The following TENM4 variants were observed in gnomAD, a reference collection of about 807,000 sequenced individuals.
The protein encoded by TENM4 is teneurin transmembrane protein 4.
A neutral mutation model predicts 243.3 loss-of-function variants in TENM4; 82 were observed. The ratio of observed to expected loss-of-function variants is 0.34; its 90% CI spans 0.28 to 0.40. TENM4 has a LOEUF of 0.40. TENM4 is among the 10% of genes least tolerant of loss of function. The probability of loss-of-function intolerance (pLI) is 1.00; values close to 1 mark genes in which losing one functional copy is unlikely to be tolerated. For missense variants in TENM4, 3,138 were observed against 3,673.3 expected (o/e 0.85, Z 3.77); for synonymous variants, 1,412 against 1,456.3 (o/e 0.97, Z 0.69).
intron 12 of TENM4, among the ~76,000 whole-genome samples, chr11:78,847,165 C>T (rs372278432): frequency 6.6e-6 from 1 of 152,196 alleles, no homozygotes; most frequent in African/African-American, 2.4e-5. Flanking sequence ...TGCACCAGAA[C>T]ATCAAAACTC....
At chr11:79,345,414 T>C (rs1252993758) in intron 1 of TENM4, among the ~76,000 whole-genome samples, 3 of 152,250 alleles carry the variant, frequency 2.0e-5, no homozygotes, top group African/African-American at 7.2e-5. Context: ...TTCCATGTTA[T>C]TTGATTACTA....
chr11:78,880,506 T>C (rs1393061555), intron 9 of TENM4, among the ~76,000 whole-genome samples: 1 of 144,106 alleles, frequency 6.9e-6, no homozygotes, highest in Non-Finnish European at 1.5e-5. Flanking sequence ...AAAAATGGCC[T>C]GTGAAAAAGG....
chr11:79,329,352 G>T (rs1328951358), intron 1 of TENM4, among the ~76,000 whole-genome samples: 2 of 152,138 alleles, frequency 1.3e-5, no homozygotes, highest in Admixed American at 6.5e-5. Flanking sequence ...ATCTTCTCTT[G>T]GAGACAGACT....
intron 1 of TENM4, among the ~76,000 whole-genome samples, chr11:79,400,151 CAGGATTATTT>C (rs1402524144): frequency 3.0e-5 from 4 of 134,142 alleles, no homozygotes; most frequent in African/African-American, 1.1e-4. Context: ...ACACACCCTC[CAGGATTATTT>C]CTCCAAGTCT....
chr11:79,412,355 A>G (rs1326302171), intron 1 of TENM4, among the ~76,000 whole-genome samples: 1 of 152,236 alleles, frequency 6.6e-6, no homozygotes, highest in Non-Finnish European at 1.5e-5. Context: ...AGCCCAGGAC[A>G]GCCTTAGCGA....
At chr11:78,794,892 G>A (rs1490403953) in intron 15 of TENM4, among the ~76,000 whole-genome samples, 1 of 152,178 alleles carries the variant, frequency 6.6e-6, no homozygotes, top group Admixed American at 6.5e-5. Flanking sequence ...GCCCATCTAG[G>A]AAGTACCTTA....
intron 3 of TENM4, among the ~76,000 whole-genome samples, chr11:79,179,512 A>ATATGGAAGAAACTATACCAATTATCT (rs776530269): frequency 6.6e-6 from 1 of 152,000 alleles, no homozygotes; most frequent in Admixed American, 6.6e-5. Flanking sequence ...CCTTCAAAAC[A>ATATGGAAGAAACTATACCAATTATCT]AGATGATTAA....
chr11:78,696,265 A>T (rs1471474081), intron 28 of TENM4, among the ~76,000 whole-genome samples: 2 of 152,114 alleles, frequency 1.3e-5, no homozygotes, highest in African/African-American at 2.4e-5. Context: ...TCTCTGCTAA[A>T]ATTATCCATC....
intron 32 of TENM4, among the ~76,000 whole-genome samples, chr11:78,666,073 C>G (rs1450399964): frequency 4.0e-5 from 6 of 151,816 alleles, no homozygotes; most frequent in Non-Finnish European, 7.4e-5. Context: ...GTTGTTGTTG[C>G]TGGATGGGAA....
rs534949417 is a variant in TENM4, at chr11:79,292,265, CCTGCCCTCGACCACCAATGAG to C, written c.-265+5202_-265+5222del. On this transcript the variant is annotated intron_variant, in intron 2 of 33. Coordinates refer to ENST00000278550, the MANE Select transcript of TENM4 (RefSeq NM_001098816.3). ...CAATGCACCAAGACCTCCCCTTTCT[CCTGCCCTCGACCACCAATGAG>C]CATGCTGTAGTGGACTTGCCAAACT... 3.3e-5 allele frequency among the ~76,000 whole-genome samples: 5 copies of C among 152,278 alleles called. No individual in the cohort carries two copies. In the South Asian group the frequency reaches 1.0e-3, roughly 32 times the overall value.
chr11:78,920,606 C>T (rs1400512584), intron 6 of TENM4, among the ~76,000 whole-genome samples: 3 of 151,922 alleles, frequency 2.0e-5, no homozygotes, highest in Non-Finnish European at 2.9e-5. Flanking sequence ...TTTTTTCTCC[C>T]CGAGGATGAA....
intron 9 of TENM4, among the ~76,000 whole-genome samples, chr11:78,869,568 C>T (rs1480597343): frequency 6.6e-6 from 1 of 152,106 alleles, no homozygotes; most frequent in Non-Finnish European, 1.5e-5. Context: ...CGACCCCAGA[C>T]ATGAGGAATT....
At position 78,854,128 on chromosome 11, in the gene TENM4, C is replaced by A. The variant is rs1858613983; in HGVS notation, c.1657G>T (p.Val553Phe). 1 of 1,551,548 alleles carries A rather than the reference C, an allele frequency of 6.4e-7. No individual in the cohort carries two copies. The highest frequency in any genetic ancestry group is 8.7e-7 in the Non-Finnish European group (1 of 1,146,962). ...FYNDGKESEV[V>F]SFLTTAIESV... ...CCAATGGCAGTGGTGAGAAAGGAAA[C>A]CACTTCTGACTCCTTTCCGTCATTG... Residue 553 changes from valine to phenylalanine, a missense_variant, in exon 12 of 34, where the codon GTT (valine) becomes TTT (phenylalanine). Physicochemically the swap from Val to Phe is conservative, Grantham distance 50 (BLOSUM62 -1). Transcript: ENST00000278550.
chr11:79,410,732 G>A lies in TENM4; in HGVS notation c.-321+29777C>T, dbSNP rs1858681721. Among the ~76,000 whole-genome samples, 3 of 152,160 alleles carry A rather than the reference G, an allele frequency of 2.0e-5. No individual in the cohort carries two copies. The South Asian group carries it at 6.2e-4, about 32-fold the overall frequency. ...TTAGGAATAGTATTGCCTGCCTGAT[G>A]GGTTTACAGTGAAGGCTAGGAGCTT... On this transcript the variant is annotated intron_variant, in intron 1 of 33. Coordinates refer to ENST00000278550, the MANE Select transcript of TENM4 (RefSeq NM_001098816.3).
intron 4 of TENM4, 117 bp from the exon 5 acceptor site, chr11:79,070,126 GA>G: frequency 7.8e-6 from 10 of 1,283,662 alleles, no homozygotes; most frequent in Non-Finnish European, 1.0e-5. Flanking sequence ...CAGTGGAGGA[GA>G]GGGTACCGCT....
At chr11:79,319,232 T>A (rs1856849162) in intron 1 of TENM4, among the ~76,000 whole-genome samples, 1 of 152,302 alleles carries the variant, frequency 6.6e-6, no homozygotes, top group Admixed American at 6.5e-5. Context: ...ACCAGGACAT[T>A]ACACTTATAT....
In TENM4 at chr11:79,143,115, C is replaced by T. The variant is rs576512871; in HGVS notation, c.-66+5595G>A. 1.4e-3 allele frequency among the ~76,000 whole-genome samples: 207 copies of T among 152,106 alleles called. 1 individual carries two copies. The highest frequency in any genetic ancestry group is 3.9e-3 in the African/African-American group (164 of 41,530). On this transcript the variant is annotated intron_variant, in intron 4 of 33. Transcript: ENST00000278550. Reference sequence around the variant, plus strand: ...AGTTCAACCATTGTGGAAGACAGTGCGGTGATTCCTCAAGGATCTAGAACT... The same window carrying T: ...AGTTCAACCATTGTGGAAGACAGTGTGGTGATTCCTCAAGGATCTAGAACT...
chr11:79,368,638 G>GGGGCAA (rs1857722497), intron 1 of TENM4, among the ~76,000 whole-genome samples: 1 of 152,190 alleles, frequency 6.6e-6, no homozygotes. Context: ...TACCAGCTAA[G>GGGGCAA]GGGCAAGTTA....
chr11:78,734,159 T>C (rs1855735097), intron 20 of TENM4, among the ~76,000 whole-genome samples: 1 of 151,902 alleles, frequency 6.6e-6, no homozygotes, highest in African/African-American at 2.4e-5. Context: ...ACCACTGCAC[T>C]CCAGCTTGGG....
Sources: gnomAD v4.1 joint callset for allele counts (sites outside exome capture counted in the v4.1 genomes callset) on GRCh38, gnomAD v4.1.1 for gene constraint, MANE v1.5 for transcripts, NCBI Gene and HGNC (gene_info 2026-07-23, HGNC 2026-07-21) for gene names.